The following HTR2A variants were observed in gnomAD, a reference collection of about 807,000 sequenced individuals.
The protein encoded by HTR2A is 5-HT2 receptor.
A neutral mutation model predicts 31.0 loss-of-function variants in HTR2A; 14 were observed. The observed-to-expected ratio is 0.45, with a 90% CI of 0.30 to 0.71. HTR2A has a LOEUF of 0.71. Among genes scored for constraint, HTR2A ranks in the 30% least tolerant of loss-of-function variants. The pLI, the probability that HTR2A is intolerant of heterozygous loss-of-function variation, is 0.09. For missense variants in HTR2A, 442 were observed against 573.3 expected (o/e 0.77, Z 2.34); for synonymous variants, 209 against 225.2 (o/e 0.93, Z 0.64).
At chr13:46,891,648 A>G (rs76860045) in intron 3 of HTR2A, among the ~76,000 whole-genome samples, 1,707 of 152,340 alleles carry the variant, frequency 0.011, 27 homozygotes, top group African/African-American at 0.039. Context: ...TTTGGATTTT[A>G]AAATGAATGT....
chr13:46,841,526 CG>C (rs1566300273), intron 3 of HTR2A, among the ~76,000 whole-genome samples: 1 of 151,790 alleles, frequency 6.6e-6, no homozygotes, highest in Admixed American at 6.6e-5. Flanking sequence ...GCCTCATTCT[CG>C]GGGGTTCTGA....
upstream of HTR2A, among the ~76,000 whole-genome samples, chr13:46,897,621 A>G (rs1449058863): frequency 6.6e-6 from 1 of 152,202 alleles, no homozygotes; most frequent in African/African-American, 2.4e-5. Context: ...CCTTACTTGT[A>G]AAGAAAGCCC....
chr13:46,891,523 G>T (rs1951052445), intron 3 of HTR2A, among the ~76,000 whole-genome samples: 1 of 152,178 alleles, frequency 6.6e-6, no homozygotes, highest in African/African-American at 2.4e-5. Flanking sequence ...CAATGCTGTG[G>T]ATAAGCTCAC....
Position 46,896,092 on chromosome 13 carries a change from G to GT in HTR2A, c.-187dup, listed in dbSNP as rs1951102196. 2 of 1,327,878 alleles carry GT rather than the reference G, an allele frequency of 1.5e-6. No individual in the cohort carries two copies. Among genetic ancestry groups the GT allele is most frequent in the East Asian group, 2.8e-5 (1 of 35,430 alleles). The allele number at this position is 1,327,878 out of a possible 1,614,324, so 82.3% of individuals were successfully genotyped here. On this transcript the variant is annotated 5_prime_UTR_variant, in exon 2 of 4. It introduces an in-frame stop codon into an upstream open reading frame of the 5' UTR. Transcript: ENST00000542664. ...GTTAAAGAACTGAACTGTGGTGGCT[G>GT]TAAGTTTTCTTCATTCACAATTTTA...
At chr13:46,894,255 C>T (rs1951081293) in intron 2 of HTR2A, among the ~76,000 whole-genome samples, 2 of 152,134 alleles carry the variant, frequency 1.3e-5, no homozygotes, top group Admixed American at 6.5e-5. Context: ...GGCGCCCTTG[C>T]TCCCCAAGCG....
chr13:46,871,933 T>C (rs965553012), intron 3 of HTR2A, among the ~76,000 whole-genome samples: 1 of 152,244 alleles, frequency 6.6e-6, no homozygotes, highest in Admixed American at 6.5e-5. Flanking sequence ...TAAGACATGA[T>C]TTTCTGAACT....
At chr13:46,840,758 GATA>G (rs774006061) in intron 3 of HTR2A, among the ~76,000 whole-genome samples, 2 of 152,166 alleles carry the variant, frequency 1.3e-5, no homozygotes, top group Non-Finnish European at 2.9e-5. Context: ...GGAAGTCTAT[GATA>G]ATCCTAAAAT....
Position 46,892,594 on chromosome 13 carries a change from T to C in HTR2A, c.413-4A>G, listed in dbSNP as rs1330287019. On this transcript the variant is annotated splice_polypyrimidine_tract_variant and splice_region_variant and intron_variant, in intron 2 of 3. Coordinates refer to ENST00000542664, the MANE Select transcript of HTR2A (RefSeq NM_000621.5). The stretch of plus-strand genomic sequence containing the variant: ...CTCGGCAGAGGCCACCGGTACCCTA[T>C]GAGGCAGAAGGTTGGTGTCAGTGAG... 2 of 1,613,950 alleles carry C rather than the reference T, an allele frequency of 1.2e-6. No homozygotes were observed. Among genetic ancestry groups the C allele is most frequent in the South Asian group, 1.1e-5 (1 of 91,072 alleles).
At chr13:46,880,282 A>T (rs1454383635) in intron 3 of HTR2A, among the ~76,000 whole-genome samples, 1 of 152,182 alleles carries the variant, frequency 6.6e-6, no homozygotes, top group Non-Finnish European at 1.5e-5. Flanking sequence ...AGCTCCTTGC[A>T]TGGTGACGAT....
At chr13:46,845,472 A>G (rs576399400) in intron 3 of HTR2A, among the ~76,000 whole-genome samples, 3 of 152,274 alleles carry the variant, frequency 2.0e-5, no homozygotes, top group African/African-American at 7.2e-5. Context: ...AGCATTGAGC[A>G]GGTCCTCTAT....
At chr13:46,880,655 A>G (rs961083349) in intron 3 of HTR2A, among the ~76,000 whole-genome samples, 1 of 152,030 alleles carries the variant, frequency 6.6e-6, no homozygotes, top group African/African-American at 2.4e-5. Flanking sequence ...CCTGACTAAC[A>G]TGGTGAAACC....
At chr13:46,867,789 C>G (rs1292800706) in intron 3 of HTR2A, among the ~76,000 whole-genome samples, 2 of 152,188 alleles carry the variant, frequency 1.3e-5, no homozygotes. Flanking sequence ...GATACTCTGG[C>G]TATTGTAGTG....
Position 46,895,684 on chromosome 13 carries a change from T to G in HTR2A, c.223A>C (p.Asn75His). 6.2e-7 allele frequency: 1 copy of G among 1,614,108 alleles called. No homozygotes were observed. Among genetic ancestry groups the G allele is most frequent in the African/African-American group, 1.3e-5 (1 of 75,018 alleles). The change falls in exon 2 of 4, where the codon AAC (asparagine) becomes CAC (histidine). Residue 75 changes from asparagine (N) to histidine (H), a missense_variant. Around this residue, in one of 5 missense-constraint regions of HTR2A, gnomAD observed 83 missense variants for 84.8 expected, o/e 0.98. Transcript: ENST00000542664. The surrounding 1 kb of genome is among the most constrained non-coding windows in gnomAD (Gnocchi z 4.4). ...ACGGCTGTCAGTAAAGCAGACCAGT[T>G]TTTTTCCTGGAGATGAAGTAAGGAG... ...CLSLLHLQEK[N>H]WSALLTAVVI...
Position 46,833,981 on chromosome 13 carries a change from C to A in HTR2A, c.*856G>T, listed in dbSNP as rs905711864. 1 of 152,214 alleles carries A rather than the reference C, an allele frequency of 6.6e-6. No individual in the cohort carries two copies. The highest frequency in any genetic ancestry group is 2.4e-5 in the African/African-American group (1 of 41,452). The allele number at this position is 152,214 out of a possible 1,614,324, so 9.4% of individuals were successfully genotyped here. A position where few individuals can be genotyped will look rare whatever the true frequency, so the allele number is the denominator to read the frequency against. ...TGCTCAAAAGAGTGCATGCATGATG[C>A]AGTCATTTCACAGCAAGTTACCAAA... On this transcript the variant is annotated 3_prime_UTR_variant, in exon 4 of 4. Coordinates refer to ENST00000542664, the MANE Select transcript of HTR2A (RefSeq NM_000621.5).
chr13:46,883,099 T>C (rs1950979258), intron 3 of HTR2A, among the ~76,000 whole-genome samples: 1 of 152,136 alleles, frequency 6.6e-6, no homozygotes, highest in Non-Finnish European at 1.5e-5. Context: ...TTATAGAAAA[T>C]AAAAACATAA....
In HTR2A at chr13:46,834,737, C is replaced by G; in HGVS notation, c.*100G>C. On this transcript the variant is annotated 3_prime_UTR_variant, in exon 4 of 4. Transcript: ENST00000542664. ...CATACAGATATGATCGTTGGTTCCA[C>G]TAGACTTGTCTAATTTTTTCCAATC... The G allele has an allele frequency of 1.1e-6, 1 of 918,848 alleles. No individual in the cohort carries two copies. The highest frequency in any genetic ancestry group is 1.7e-5 in the South Asian group (1 of 58,774). 56.9% of individuals were successfully genotyped at this position (918,848 alleles called of 1,614,324 possible).
At chr13:46,836,845 A>T (rs926732623) in intron 3 of HTR2A, among the ~76,000 whole-genome samples, 1 of 152,190 alleles carries the variant, frequency 6.6e-6, no homozygotes, top group Non-Finnish European at 1.5e-5. Context: ...TCCTAAATAG[A>T]AGTTTAATAT....
chr13:46,874,368 A>T (rs985159992), intron 3 of HTR2A, among the ~76,000 whole-genome samples: 2 of 152,136 alleles, frequency 1.3e-5, no homozygotes, highest in African/African-American at 4.8e-5. Flanking sequence ...TCAGGGAAAA[A>T]CCACAAGGGC....
chr13:46,871,743 T>C (rs972813971), intron 3 of HTR2A, among the ~76,000 whole-genome samples: 3 of 152,178 alleles, frequency 2.0e-5, no homozygotes, highest in Non-Finnish European at 4.4e-5. Context: ...CCTAACTGGC[T>C]GAGTATGGCT....
Sources: gnomAD v4.1 joint callset for allele counts (sites outside exome capture counted in the v4.1 genomes callset) on GRCh38, gnomAD v4.1.1 for gene constraint, gnomAD v4.1.1 regional missense constraint, Gnocchi (gnomAD v3.1) non-coding constraint, MANE v1.5 for transcripts, NCBI Gene and HGNC (gene_info 2026-07-23, HGNC 2026-07-21) for gene names.